DNM3: variants seen among roughly 807,000 people sequenced by gnomAD.
The protein encoded by DNM3 is dynamin-3.
Under a neutral mutation model 101.6 loss-of-function variants are expected in DNM3, and 47 were observed. That is an observed-to-expected ratio of 0.46 (90% confidence interval 0.37 to 0.59). DNM3 has a LOEUF of 0.59. DNM3 is among the 20% of genes least tolerant of loss of function. The pLI is 0.00. For missense variants in DNM3, 849 were observed against 1,085.7 expected (o/e 0.78, Z 3.06); for synonymous variants, 385 against 387.9 (o/e 0.99, Z 0.09).
At chr1:172,166,404 A>G (rs1270609601) in intron 14 of DNM3, among the ~76,000 whole-genome samples, 1 of 152,098 alleles carries the variant, frequency 6.6e-6, no homozygotes, top group Non-Finnish European at 1.5e-5. Context: ...TAAGTTTTAT[A>G]TATGCTGTAA....
rs144629753 is a variant in DNM3, at chr1:172,096,876, T to C, written c.1545+4001T>C. 2.1e-4 allele frequency among the ~76,000 whole-genome samples: 32 copies of C among 152,250 alleles called. No individual in the cohort carries two copies. The East Asian group carries it at 6.0e-3, about 28-fold the overall frequency. ...GTTTGAAGGAGACAAACTAGAGATA[T>C]GGGAATTGGTGAGGATGCTTTTGAA... On this transcript the variant is annotated intron_variant, in intron 13 of 20. Coordinates refer to ENST00000627582, the MANE Select transcript of DNM3 (RefSeq NM_015569.5).
intron 4 of DNM3, among the ~76,000 whole-genome samples, chr1:172,012,723 A>T (rs1180374578): frequency 6.6e-6 from 1 of 151,954 alleles, no homozygotes; most frequent in Non-Finnish European, 1.5e-5. Flanking sequence ...GTTGGTAAGC[A>T]AGGTAGAGTC....
At chr1:172,261,758 T>C (rs974118484) in intron 15 of DNM3, among the ~76,000 whole-genome samples, 7 of 152,032 alleles carry the variant, frequency 4.6e-5, no homozygotes, top group African/African-American at 1.7e-4. Context: ...GACTTTCAGG[T>C]GGTGTGTATG....
At chr1:172,141,051 G>GA (rs911141007) in intron 14 of DNM3, among the ~76,000 whole-genome samples, 4 of 151,488 alleles carry the variant, frequency 2.6e-5, no homozygotes, top group African/African-American at 9.7e-5. Flanking sequence ...ATTTCTTAAG[G>GA]AAAAAAATGT....
chr1:172,316,332 AC>A lies in DNM3; in HGVS notation c.1882-6996del, dbSNP rs937826346. 1.9e-3 allele frequency among the ~76,000 whole-genome samples: 294 copies of A among 152,274 alleles called. 3 individuals are homozygous for A. The highest frequency in any genetic ancestry group is 6.3e-3 in the African/African-American group (262 of 41,536). On this transcript the variant is annotated intron_variant, in intron 16 of 20. Transcript: ENST00000627582. Reference sequence around the variant, plus strand: ...AGACTAGGAAGGAACTGCATGAACTACTGAGCAAAATAACCAGCTAACATCA... The same window carrying A: ...AGACTAGGAAGGAACTGCATGAACTATGAGCAAAATAACCAGCTAACATCA...
intron 14 of DNM3, among the ~76,000 whole-genome samples, chr1:172,150,613 A>G (rs189533822): frequency 4.3e-4 from 65 of 152,290 alleles, no homozygotes; most frequent in Admixed American, 1.8e-3. Context: ...GGATCTCTCC[A>G]TGGTTACAGA....
downstream of DNM3, among the ~76,000 whole-genome samples, chr1:172,413,907 A>G (rs1287242850): frequency 2.0e-5 from 3 of 152,228 alleles, no homozygotes; most frequent in Non-Finnish European, 2.9e-5. Context: ...GATGCGAATC[A>G]TGCTGTATAC....
rs74123800 is a variant in DNM3, at chr1:172,118,880, C to T, written c.1546-12295C>T. Among the ~76,000 whole-genome samples, 637 of 152,208 alleles carry T rather than the reference C, an allele frequency of 4.2e-3. 6 individuals carry two copies. Among genetic ancestry groups the T allele is most frequent in the African/African-American group, 0.014 (582 of 41,506 alleles). On this transcript the variant is annotated intron_variant, in intron 13 of 20. Coordinates refer to ENST00000627582, the MANE Select transcript of DNM3 (RefSeq NM_015569.5). ...GAGTCCCTCAATCCTCCCCTCTGTCCAGAGATTAAAGACAAAGGCCTGGCA... is the reference window on the plus strand; with the variant it reads ...GAGTCCCTCAATCCTCCCCTCTGTCTAGAGATTAAAGACAAAGGCCTGGCA...
chr1:171,896,271 G>C (rs2037788240), intron 1 of DNM3, among the ~76,000 whole-genome samples: 1 of 152,288 alleles, frequency 6.6e-6, no homozygotes, highest in South Asian at 2.1e-4. Context: ...CTATCCATGA[G>C]CATGGAATGT....
intron 2 of DNM3, among the ~76,000 whole-genome samples, chr1:171,924,114 T>C (rs1316784245): frequency 6.6e-6 from 1 of 152,202 alleles, no homozygotes; most frequent in African/African-American, 2.4e-5. Context: ...ATGATTTTGC[T>C]GTTGTGAATA....
chr1:172,181,375 TACACACACACACACACACACAC>T (rs55756017), intron 14 of DNM3, among the ~76,000 whole-genome samples: 1 of 147,726 alleles, frequency 6.8e-6, no homozygotes, highest in South Asian at 2.2e-4. Flanking sequence ...CACTTGAGTT[TACACACACACACACACACACAC>T]ACACACACAC....
At chr1:172,238,246 A>G (rs1437842101) in intron 14 of DNM3, among the ~76,000 whole-genome samples, 1 of 152,158 alleles carries the variant, frequency 6.6e-6, no homozygotes, top group Non-Finnish European at 1.5e-5. Flanking sequence ...TCAGAGGACT[A>G]CAGTTGGAGA....
chr1:172,327,660 A>G (rs1558001337), intron 17 of DNM3, among the ~76,000 whole-genome samples: 1 of 152,174 alleles, frequency 6.6e-6, no homozygotes, highest in Non-Finnish European at 1.5e-5. Context: ...TATTTCAATA[A>G]TGTGTGTGCT....
At chr1:172,265,277 G>C (rs997718911) in intron 15 of DNM3, among the ~76,000 whole-genome samples, 10 of 151,740 alleles carry the variant, frequency 6.6e-5, no homozygotes, top group Non-Finnish European at 1.5e-4. Flanking sequence ...TCGGTGTCCT[G>C]GTGAATTAAT....
chr1:172,132,728 A>G (rs1389014857), intron 14 of DNM3, among the ~76,000 whole-genome samples: 2 of 152,216 alleles, frequency 1.3e-5, no homozygotes, highest in Admixed American at 6.5e-5. Flanking sequence ...TTACTAAGGA[A>G]TCATAACAGT....
chr1:172,064,170 A>G (rs183131504), intron 10 of DNM3, among the ~76,000 whole-genome samples: 1 of 152,232 alleles, frequency 6.6e-6, no homozygotes, highest in Non-Finnish European at 1.5e-5. Flanking sequence ...CTCTCTATAA[A>G]CCAATTTATA....
chr1:172,251,731 G>T (rs961349890), intron 14 of DNM3, among the ~76,000 whole-genome samples: 1 of 152,070 alleles, frequency 6.6e-6, no homozygotes, highest in African/African-American at 2.4e-5. Flanking sequence ...ATGAAATTCA[G>T]ATTTCCCATT....
chr1:172,373,694 G>GT (rs1370800190), intron 17 of DNM3, among the ~76,000 whole-genome samples: 1 of 151,676 alleles, frequency 6.6e-6, no homozygotes, highest in Non-Finnish European at 1.5e-5. Context: ...AGATAGTTTT[G>GT]TTTTTTTGTA....
chr1:172,303,391 C>A (rs1294838264), intron 15 of DNM3, among the ~76,000 whole-genome samples: 3 of 151,902 alleles, frequency 2.0e-5, no homozygotes, highest in Non-Finnish European at 4.4e-5. Flanking sequence ...GTGAAAAGAC[C>A]AAATCTACAT....
Sources: allele counts gnomAD v4.1 joint callset (sites outside exome capture counted in the v4.1 genomes callset), GRCh38; gene constraint gnomAD v4.1.1; transcripts MANE v1.5; gene names NCBI Gene and HGNC (gene_info 2026-07-23, HGNC 2026-07-21).